The following GRIA1 variants were observed in gnomAD, a reference collection of about 807,000 sequenced individuals.
GRIA1 encodes glutamate receptor 1.
In GRIA1, 31 loss-of-function variants were observed where a neutral mutation model predicts 99.2. That is an observed-to-expected ratio of 0.31 (90% CI 0.23 to 0.42). The LOEUF is 0.42. Among genes scored for constraint, GRIA1 ranks in the 10% least tolerant of loss-of-function variants. The pLI is 1.00. For missense variants in GRIA1, 782 were observed against 1,157.5 expected (o/e 0.68, Z 4.71); for synonymous variants, 438 against 432.4 (o/e 1.01, Z -0.16).
At chr5:153,627,718 C>T (rs1259727455) in intron 2 of GRIA1, among the ~76,000 whole-genome samples, 2 of 152,178 alleles carry the variant, frequency 1.3e-5, no homozygotes, top group Non-Finnish European at 2.9e-5. Context: ...CCCCAGTTCT[C>T]TGAGAGATAT....
rs1009519520 is a variant in GRIA1, at chr5:153,801,815, A to G, written c.2386-541A>G. Among the ~76,000 whole-genome samples, 7 of 152,098 alleles carry G rather than the reference A, an allele frequency of 4.6e-5. No individual in the cohort carries two copies. The East Asian group carries it at 5.8e-4, about 13-fold the overall frequency. On this transcript the variant is annotated intron_variant, in intron 14 of 15. Transcript: ENST00000285900. ...TCAGTTGGTCTTTATTATATATACA[A>G]TAACTGTCTTATTAAATTGAAATCG...
rs1032267599 is a variant in GRIA1, at chr5:153,725,042, G to A, written c.1823+18975G>A. On this transcript the variant is annotated intron_variant, in intron 11 of 15. Coordinates refer to ENST00000285900, the MANE Select transcript of GRIA1 (RefSeq NM_000827.4). ...AAGGGAAGCCCATCAGACTAACAGC[G>A]GATCTCTCGGCAGAAACTCTACAAG... 5.4e-4 allele frequency among the ~76,000 whole-genome samples: 83 copies of A among 152,294 alleles called. 1 individual carries two copies. The highest frequency in any genetic ancestry group is 1.7e-3 in the African/African-American group (70 of 41,560).
At chr5:153,765,924 G>A (rs1417304767) in intron 12 of GRIA1, among the ~76,000 whole-genome samples, 1 of 152,200 alleles carries the variant, frequency 6.6e-6, no homozygotes, top group East Asian at 1.9e-4. Context: ...CTAATTAGTA[G>A]CAGAAGGAGC....
At chr5:153,609,984 A>G (rs2149408003) in intron 2 of GRIA1, among the ~76,000 whole-genome samples, 1 of 152,324 alleles carries the variant, frequency 6.6e-6, no homozygotes, top group South Asian at 2.1e-4. Context: ...GCTAGAGAAG[A>G]ACTCCTAAAG....
chr5:153,526,355 A>G (rs1210308831), intron 2 of GRIA1, among the ~76,000 whole-genome samples: 2 of 152,236 alleles, frequency 1.3e-5, no homozygotes, highest in African/African-American at 4.8e-5. Flanking sequence ...AGGCCAATAT[A>G]GTAAAGCAAA....
chr5:153,506,711 G>A (rs553369500), intron 2 of GRIA1, among the ~76,000 whole-genome samples: 39 of 152,300 alleles, frequency 2.6e-4, no homozygotes, highest in Non-Finnish European at 5.0e-4. Flanking sequence ...TGGGGGACAG[G>A]AAGCTCACAG....
Position 153,811,368 on chromosome 5 carries a change from TC to T in GRIA1, c.*145del. ...ACAAGAAGGATGATTCAACAGGTTT[TC>T]CTGAAGAATTGAAAAACCATTTTGC... On this transcript the variant is annotated 3_prime_UTR_variant, in exon 16 of 16. Coordinates refer to ENST00000285900, the MANE Select transcript of GRIA1 (RefSeq NM_000827.4). 1 of 632,126 alleles carries T rather than the reference TC, an allele frequency of 1.6e-6. No individual in the cohort carries two copies. The highest frequency in any genetic ancestry group is 2.8e-6 in the Non-Finnish European group (1 of 353,484). 39.2% of individuals were successfully genotyped at this position (632,126 alleles called of 1,614,324 possible).
At position 153,543,839 on chromosome 5, in the gene GRIA1, G is replaced by A. The variant is rs191284793; in HGVS notation, c.220+49774G>A. ...CTGTTTTAGGCACTAGAATATAGTGGGCAAAACAAACTAAAGTGCCTGCCC... is the reference window on the plus strand; with the variant it reads ...CTGTTTTAGGCACTAGAATATAGTGAGCAAAACAAACTAAAGTGCCTGCCC... On this transcript the variant is annotated intron_variant, in intron 2 of 15. Transcript: ENST00000285900. Among the ~76,000 whole-genome samples, 3 of 152,228 alleles carry A rather than the reference G, an allele frequency of 2.0e-5. No homozygotes were observed. The East Asian group carries it at 5.8e-4, about 29-fold the overall frequency.
At chr5:153,719,340 A>G (rs1759887289) in intron 11 of GRIA1, among the ~76,000 whole-genome samples, 1 of 152,066 alleles carries the variant, frequency 6.6e-6, no homozygotes, top group South Asian at 2.1e-4. Flanking sequence ...TATTAAGATC[A>G]TGGATTTCAT....
chr5:153,568,744 C>T lies in GRIA1; in HGVS notation c.220+74679C>T, dbSNP rs137961940. On this transcript the variant is annotated intron_variant, in intron 2 of 15. Coordinates refer to ENST00000285900, the MANE Select transcript of GRIA1 (RefSeq NM_000827.4). ...TAGCCATATCAAAATTTATGCCTTC[C>T]TCCCTTCATGCCCTTCATTGCCTAG... is the stretch of plus-strand genomic sequence containing the variant. Among the ~76,000 whole-genome samples, 24 of 152,228 alleles carry T rather than the reference C, an allele frequency of 1.6e-4. No homozygotes were observed. The East Asian group carries it at 4.4e-3, about 28-fold the overall frequency.
upstream of GRIA1, chr5:153,490,542 G>A (rs1753820702): frequency 8.0e-6 from 3 of 375,152 alleles, no homozygotes; most frequent in Admixed American, 1.2e-4. Flanking sequence ...TGCTGCCTGT[G>A]TGAGTGTGAG....
intron 2 of GRIA1, among the ~76,000 whole-genome samples, chr5:153,605,719 A>G (rs1765380968): frequency 1.3e-5 from 2 of 152,032 alleles, no homozygotes; most frequent in African/African-American, 2.4e-5. Flanking sequence ...TTTAATTTGT[A>G]TTTCTCTTGA....
intron 11 of GRIA1, among the ~76,000 whole-genome samples, chr5:153,742,065 T>C (rs1352462960): frequency 6.6e-6 from 1 of 152,078 alleles, no homozygotes; most frequent in Non-Finnish European, 1.5e-5. Context: ...AACCCCTTTA[T>C]ACAACCTAAA....
chr5:153,549,505 C>A (rs1437187106), intron 2 of GRIA1, among the ~76,000 whole-genome samples: 5 of 152,010 alleles, frequency 3.3e-5, no homozygotes, highest in Non-Finnish European at 5.9e-5. Flanking sequence ...AAGAAAGGTC[C>A]TCTAGACTTG....
intron 11 of GRIA1, among the ~76,000 whole-genome samples, chr5:153,707,771 G>A (rs1225811318): frequency 6.6e-6 from 1 of 151,306 alleles, no homozygotes; most frequent in Non-Finnish European, 1.5e-5. Context: ...AACTTAGAAA[G>A]TCTCATCGTT....
At chr5:153,634,749 T>C (rs139920387) in intron 2 of GRIA1, among the ~76,000 whole-genome samples, 1 of 152,198 alleles carries the variant, frequency 6.6e-6, no homozygotes, top group Non-Finnish European at 1.5e-5. Context: ...GCTGAGACCA[T>C]AGATTACAAA....
intron 12 of GRIA1, 68 bp downstream of exon 12, chr5:153,764,700 C>T (rs1763397872): frequency 8.8e-7 from 1 of 1,132,540 alleles, no homozygotes; most frequent in Admixed American, 1.8e-5. Flanking sequence ...AAATGTCCTT[C>T]TCATTATATA....
intron 8 of GRIA1, among the ~76,000 whole-genome samples, chr5:153,687,768 C>T (rs995604901): frequency 2.0e-5 from 3 of 152,216 alleles, no homozygotes; most frequent in Admixed American, 6.5e-5. Context: ...CTTCTCTGCT[C>T]TTATGTCTAG....
At chr5:153,583,530 C>T (rs548528419) in intron 2 of GRIA1, among the ~76,000 whole-genome samples, 4 of 152,252 alleles carry the variant, frequency 2.6e-5, no homozygotes, top group East Asian at 1.9e-4. Context: ...TCTTTCCCCT[C>T]GTGTGTCTGT....
Sources: gnomAD v4.1 joint callset for allele counts (sites outside exome capture counted in the v4.1 genomes callset) on GRCh38, gnomAD v4.1.1 for gene constraint, MANE v1.5 for transcripts, NCBI Gene and HGNC (gene_info 2026-07-23, HGNC 2026-07-21) for gene names.